The following UMAD1 variants were observed in gnomAD, a reference collection of about 807,000 sequenced individuals.
UMAD1 encodes UBAP1-MVB12-associated (UMA) domain containing 1.
UMAD1 carries 8 observed loss-of-function variants against 6.1 expected under a neutral mutation model. The ratio of observed to expected loss-of-function variants is 1.30; its 90% confidence interval spans 0.76 to 2.35. UMAD1 has a LOEUF of 2.35. UMAD1 is among the 30% of genes most tolerant of loss of function. UMAD1 has a pLI of 0.00. For synonymous variants in UMAD1, 56 were observed against 31.4 expected (o/e 1.78, Z -2.61); for missense variants, 130 against 78.4 (o/e 1.66, Z -2.49).
At chr7:7,783,034 A>G (rs183086141) in intron 2 of UMAD1, among the ~76,000 whole-genome samples, 104 of 152,238 alleles carry the variant, frequency 6.8e-4, no homozygotes, top group Non-Finnish European at 1.5e-4. Flanking sequence ...TGCCCAACCT[A>G]GTGTATAATC....
Position 7,784,067 on chromosome 7 carries a change from T to G in UMAD1, c.83-17603T>G, listed in dbSNP as rs190150202. 2.8e-3 allele frequency among the ~76,000 whole-genome samples: 420 copies of G among 152,300 alleles called. 3 individuals are homozygous for G. The highest frequency in any genetic ancestry group is 9.8e-3 in the African/African-American group (407 of 41,570). Reference sequence around the variant, plus strand: ...CTTATGAAGAAAATTTTGAGTGAATTGTTTCCTTTTATAATTGTATTAGAA... The same window carrying G: ...CTTATGAAGAAAATTTTGAGTGAATGGTTTCCTTTTATAATTGTATTAGAA... On this transcript the variant is annotated intron_variant, in intron 2 of 3. Coordinates refer to ENST00000682710, the MANE Select transcript of UMAD1 (RefSeq NM_001302348.2).
chr7:7,702,937 A>G (rs1780498471), intron 2 of UMAD1, among the ~76,000 whole-genome samples: 1 of 152,206 alleles, frequency 6.6e-6, no homozygotes, highest in African/African-American at 2.4e-5. Flanking sequence ...TTTATTTTTC[A>G]CTTGCGTCAT....
intron 2 of UMAD1, among the ~76,000 whole-genome samples, chr7:7,776,936 T>C (rs115568080): frequency 0.015 from 2,321 of 152,316 alleles, 57 homozygotes; most frequent in African/African-American, 0.052. Context: ...TGTTCATCTT[T>C]TATGTATTCT....
chr7:7,790,207 G>A (rs1229567078), intron 2 of UMAD1, among the ~76,000 whole-genome samples: 2 of 152,166 alleles, frequency 1.3e-5, no homozygotes, highest in African/African-American at 4.8e-5. Flanking sequence ...TTTCAAGTCA[G>A]ACTCTCTTGT....
chr7:7,721,235 C>A (rs535699253), intron 2 of UMAD1, among the ~76,000 whole-genome samples: 1 of 152,296 alleles, frequency 6.6e-6, no homozygotes, highest in Non-Finnish European at 1.5e-5. Flanking sequence ...TAAGCCACCA[C>A]GTTTGTACCA....
chr7:7,749,986 A>G (rs1178041310), intron 2 of UMAD1, among the ~76,000 whole-genome samples: 1 of 152,158 alleles, frequency 6.6e-6, no homozygotes, highest in African/African-American at 2.4e-5. Flanking sequence ...ATTATGTTTG[A>G]CATCTTAACA....
chr7:7,731,115 C>T (rs1002356797), intron 2 of UMAD1, among the ~76,000 whole-genome samples: 2 of 152,188 alleles, frequency 1.3e-5, no homozygotes, highest in African/African-American at 4.8e-5. Context: ...TCTCCTGCCT[C>T]AGCCTCCTGA....
In UMAD1 at chr7:7,712,529, G is replaced by C. The variant is rs561115674; in HGVS notation, c.82+39076G>C. Among the ~76,000 whole-genome samples, 24 of 152,210 alleles carry C rather than the reference G, an allele frequency of 1.6e-4. No homozygotes were observed. The East Asian group carries it at 4.0e-3, about 26-fold the overall frequency. The stretch of plus-strand genomic sequence containing the variant: ...GTTGCCAGCATAGAAACATGTAGCT[G>C]ATACTTGTAGCAACCATCTTGATAA... On this transcript the variant is annotated intron_variant, in intron 2 of 3. Coordinates refer to ENST00000682710, the MANE Select transcript of UMAD1 (RefSeq NM_001302348.2).
intron 2 of UMAD1, among the ~76,000 whole-genome samples, chr7:7,762,962 A>G (rs1419324607): frequency 4.6e-5 from 7 of 152,214 alleles, no homozygotes. Context: ...AAACGAAAAT[A>G]GAGAATATCA....
intron 1 of UMAD1, among the ~76,000 whole-genome samples, chr7:7,644,698 G>A (rs1475923367): frequency 6.6e-6 from 1 of 151,924 alleles, no homozygotes; most frequent in Non-Finnish European, 1.5e-5. Context: ...CTATTCTATG[G>A]ATCTATTTTT....
chr7:7,814,125 A>T (rs923581374), intron 3 of UMAD1, among the ~76,000 whole-genome samples: 3 of 152,108 alleles, frequency 2.0e-5, no homozygotes, highest in African/African-American at 7.2e-5. Flanking sequence ...CTGGGACTAC[A>T]GGCACCCAAC....
At chr7:7,675,376 C>T (rs1779713286) in intron 2 of UMAD1, among the ~76,000 whole-genome samples, 1 of 152,148 alleles carries the variant, frequency 6.6e-6, no homozygotes, top group African/African-American at 2.4e-5. Context: ...ACTGCAGTGG[C>T]TCCTGGTGCT....
intron 2 of UMAD1, among the ~76,000 whole-genome samples, chr7:7,770,263 C>T (rs1295523493): frequency 6.6e-6 from 1 of 152,126 alleles, no homozygotes. Flanking sequence ...TTCTTTCTCC[C>T]CCAGAGGCAA....
In UMAD1 at chr7:7,704,580, C is replaced by T. The variant is rs532798093; in HGVS notation, c.82+31127C>T. 3.9e-3 allele frequency among the ~76,000 whole-genome samples: 566 copies of T among 145,704 alleles called. 5 individuals carry two copies. The highest frequency in any genetic ancestry group is 0.014 in the African/African-American group (547 of 38,884). ...ACTAGCCTGGCCAATATGGTGAAAC[C>T]CTGTCTCTACTAAAATAGAAAAAAA... On this transcript the variant is annotated intron_variant, in intron 2 of 3. Transcript: ENST00000682710.
chr7:7,655,772 T>A (rs935578121), intron 1 of UMAD1, among the ~76,000 whole-genome samples: 1 of 152,134 alleles, frequency 6.6e-6, no homozygotes, highest in Non-Finnish European at 1.5e-5. Context: ...TATTTTAATT[T>A]AAAAAATATT....
At chr7:7,730,997 TTTTG>T (rs576485376) in intron 2 of UMAD1, among the ~76,000 whole-genome samples, 27 of 152,210 alleles carry the variant, frequency 1.8e-4, no homozygotes, top group African/African-American at 2.9e-4. Context: ...CAAGTATGTT[TTTTG>T]TTTGTTTGTT....
intron 3 of UMAD1, among the ~76,000 whole-genome samples, chr7:7,874,295 A>G (rs1784378892): frequency 6.6e-6 from 1 of 152,156 alleles, no homozygotes; most frequent in Non-Finnish European, 1.5e-5. Context: ...ATTCCCAGCT[A>G]TCTTCCCACT....
intron 2 of UMAD1, among the ~76,000 whole-genome samples, chr7:7,801,453 T>C (rs1294314708): frequency 6.6e-6 from 1 of 152,236 alleles, no homozygotes; most frequent in Admixed American, 6.5e-5. Flanking sequence ...AGGATACATT[T>C]AGGTTGTGTG....
intron 3 of UMAD1, among the ~76,000 whole-genome samples, chr7:7,807,416 A>G (rs915531537): frequency 6.6e-6 from 1 of 152,148 alleles, no homozygotes; most frequent in East Asian, 1.9e-4. Context: ...ATGGCTGGTA[A>G]TAAGGGGTTA....
Sources: gnomAD v4.1 joint callset for allele counts (sites outside exome capture counted in the v4.1 genomes callset) on GRCh38, gnomAD v4.1.1 for gene constraint, MANE v1.5 for transcripts, NCBI Gene and HGNC (gene_info 2026-07-23, HGNC 2026-07-21) for gene names.